FRMD5: variants seen among roughly 807,000 people sequenced by gnomAD.
FRMD5 encodes FERM domain containing 5, also known as FERM domain-containing protein 5.
In FRMD5, 20 loss-of-function variants were observed where a neutral mutation model predicts 69.0. That is an observed-to-expected ratio of 0.29 (90% CI 0.20 to 0.42). The LOEUF (loss-of-function observed/expected upper bound fraction) is 0.42, where lower values mean the gene tolerates loss of function less well. FRMD5 is among the 10% of genes least tolerant of loss of function. The pLI is 1.00. For missense variants in FRMD5, 595 were observed against 708.6 expected, an observed-to-expected ratio of 0.84 and a Z score of 1.82; for synonymous variants, 271 against 260.1, an observed-to-expected ratio of 1.04 and a Z score of -0.40.
At chr15:43,960,657 T>C (rs536143444) in intron 1 of FRMD5, among the ~76,000 whole-genome samples, 1 of 152,354 alleles carries the variant, frequency 6.6e-6, no homozygotes, top group East Asian at 1.9e-4. Flanking sequence ...GTGCTGGGAT[T>C]ACAGGCGTGA....
intron 1 of FRMD5, among the ~76,000 whole-genome samples, chr15:44,142,295 C>G (rs1178804589): frequency 1.3e-5 from 2 of 152,196 alleles, no homozygotes; most frequent in Admixed American, 1.3e-4. Context: ...TTTGGTTTAG[C>G]TTTGCTTGTT....
intron 1 of FRMD5, among the ~76,000 whole-genome samples, chr15:44,117,771 CAA>C (rs1033949977): frequency 6.6e-6 from 1 of 152,136 alleles, no homozygotes; most frequent in African/African-American, 2.4e-5. Context: ...GATATAAATA[CAA>C]TCAGGGGACC....
chr15:43,962,404 G>A (rs2090217350), intron 1 of FRMD5, among the ~76,000 whole-genome samples: 1 of 152,158 alleles, frequency 6.6e-6, no homozygotes, highest in African/African-American at 2.4e-5. Flanking sequence ...TGAAATAAAA[G>A]AGGACACAAA....
intron 1 of FRMD5, among the ~76,000 whole-genome samples, chr15:44,072,301 C>T (rs1381213388): frequency 6.6e-6 from 1 of 152,168 alleles, no homozygotes; most frequent in Non-Finnish European, 1.5e-5. Context: ...TGACGTACAA[C>T]AGTCAAAATA....
At chr15:44,131,990 T>C (rs150292817) in intron 1 of FRMD5, among the ~76,000 whole-genome samples, 8 of 152,306 alleles carry the variant, frequency 5.3e-5, no homozygotes, top group Admixed American at 1.3e-4. Flanking sequence ...CAACTCACCA[T>C]ATGTAGAAGC....
Position 43,905,869 on chromosome 15 carries a change from C to T in FRMD5, c.510G>A (p.Lys170=). The change falls in exon 6 of 14, where the codon AAG becomes AAA. Residue 170 remains lysine, a synonymous_variant. Coordinates refer to ENST00000417257, the MANE Select transcript of FRMD5 (RefSeq NM_032892.5). The stretch of plus-strand genomic sequence containing the variant: ...GAATCTCAGCAATTTTCCTTTCCAG[C>T]TTCTCTGAATGTTTAGGGAAAAACT... The part of the protein sequence containing the change: ...KFQFFPKHSE[K]LERKIAEIHK... The T allele has an allele frequency of 1.2e-6, 2 of 1,614,218 alleles. No homozygotes were observed. The highest frequency in any genetic ancestry group is 2.2e-5 in the South Asian group (2 of 91,086).
intron 1 of FRMD5, among the ~76,000 whole-genome samples, chr15:44,000,475 C>A (rs935046320): frequency 8.5e-6 from 1 of 117,870 alleles, no homozygotes; most frequent in Admixed American, 8.6e-5. Flanking sequence ...TTTTTTTTTT[C>A]TTGAGACAGA....
chr15:44,128,491 A>T, intron 1 of FRMD5, among the ~76,000 whole-genome samples: 1 of 152,194 alleles, frequency 6.6e-6, no homozygotes, highest in South Asian at 2.1e-4. Flanking sequence ...AAAATAAATA[A>T]ATAAAAATAA....
chr15:44,067,156 G>A (rs1368125102), intron 1 of FRMD5, among the ~76,000 whole-genome samples: 1 of 152,138 alleles, frequency 6.6e-6, no homozygotes, highest in African/African-American at 2.4e-5. Context: ...TGAGACAGAG[G>A]AAGTTGAAGA....
rs894235361 is a variant in FRMD5 at position 43,873,169 on chromosome 15, A to AC, written c.*715dup. ...GGCTCTAGACTAAGGGGACAGACTT[A>AC]CCCCACCCCTGATGCTGCTGTTGCT... On this transcript the variant is annotated 3_prime_UTR_variant, in exon 14 of 14. Coordinates refer to ENST00000417257, the MANE Select transcript of FRMD5 (RefSeq NM_032892.5). 1.6e-5 allele frequency: 25 copies of AC among 1,549,954 alleles called. No homozygotes were observed. The highest frequency in any genetic ancestry group is 2.1e-5 in the Non-Finnish European group (24 of 1,146,462).
At chr15:44,016,398 T>C (rs539623412) in intron 1 of FRMD5, among the ~76,000 whole-genome samples, 68 of 152,292 alleles carry the variant, frequency 4.5e-4, no homozygotes, top group African/African-American at 9.9e-4. Context: ...GATGCAGCAA[T>C]GGCATTGTGG....
rs2088145539 is a variant in FRMD5, at chr15:43,870,933, A to G, written c.*2952T>C. 6.6e-6 allele frequency: 1 copy of G among 152,252 alleles called. No individual in the cohort carries two copies. The highest frequency in any genetic ancestry group is 1.5e-5 in the Non-Finnish European group (1 of 68,034). The allele number at this position is 152,252 out of a possible 1,614,324, so 9.4% of individuals were successfully genotyped here. On this transcript the variant is annotated 3_prime_UTR_variant, in exon 14 of 14. Transcript: ENST00000417257. ...CAACTATATATTTTTAAATGTATCTAAGAAATTCACATTTGCAGGTAGTTT... is the reference window on the plus strand; with the variant it reads ...CAACTATATATTTTTAAATGTATCTGAGAAATTCACATTTGCAGGTAGTTT...
intron 1 of FRMD5, among the ~76,000 whole-genome samples, chr15:44,002,963 C>T (rs868245482): frequency 1.3e-5 from 2 of 152,078 alleles, no homozygotes; most frequent in East Asian, 3.9e-4. Flanking sequence ...CTTATGTGCT[C>T]AGTCCCAGGA....
At chr15:44,022,729 C>G (rs990484250) in intron 1 of FRMD5, among the ~76,000 whole-genome samples, 1 of 151,980 alleles carries the variant, frequency 6.6e-6, no homozygotes, top group Non-Finnish European at 1.5e-5. Context: ...TCCAGGATTC[C>G]AGTGAGCTTA....
intron 1 of FRMD5, among the ~76,000 whole-genome samples, chr15:43,997,182 T>C (rs1033397861): frequency 9.2e-5 from 14 of 152,188 alleles, no homozygotes; most frequent in African/African-American, 3.1e-4. Flanking sequence ...ATGACTCTTA[T>C]GATGATAAAG....
chr15:44,008,706 T>A (rs1338329078), intron 1 of FRMD5, among the ~76,000 whole-genome samples: 1 of 152,124 alleles, frequency 6.6e-6, no homozygotes, highest in Non-Finnish European at 1.5e-5. Flanking sequence ...ATCACAGCAT[T>A]AAACTTGTAG....
intron 1 of FRMD5, among the ~76,000 whole-genome samples, chr15:44,084,274 T>C (rs1224514723): frequency 6.6e-6 from 1 of 152,068 alleles, no homozygotes; most frequent in African/African-American, 2.4e-5. Context: ...TGTAAACTTC[T>C]TCTCCCTTTG....
intron 1 of FRMD5, among the ~76,000 whole-genome samples, chr15:44,108,303 C>A (rs540011578): frequency 1.3e-5 from 2 of 151,966 alleles, no homozygotes; most frequent in Non-Finnish European, 2.9e-5. Flanking sequence ...CACCTGAGCC[C>A]CGGAGTCCAA....
intron 1 of FRMD5, among the ~76,000 whole-genome samples, chr15:43,926,893 T>C (rs948854423): frequency 1.4e-5 from 2 of 147,368 alleles, no homozygotes; most frequent in Admixed American, 6.9e-5. Context: ...AGGACCTCAC[T>C]ATAAACTCGT....
Sources: allele counts gnomAD v4.1 joint callset (sites outside exome capture counted in the v4.1 genomes callset), GRCh38; gene constraint gnomAD v4.1.1; transcripts MANE v1.5; gene names NCBI Gene and HGNC (gene_info 2026-07-23, HGNC 2026-07-21).